TMEM232: variants seen among roughly 807,000 people sequenced by gnomAD.
TMEM232 encodes the protein transmembrane protein 232.
Under a neutral mutation model 78.8 loss-of-function variants are expected in TMEM232, and 80 were observed. That is an observed-to-expected ratio of 1.01 (90% confidence interval 0.85 to 1.22). The LOEUF is 1.22. TMEM232 is among the 50% of genes most tolerant of loss of function. TMEM232 has a pLI of 0.00. For synonymous variants in TMEM232, 297 were observed against 254.3 expected (o/e 1.17, Z -1.60); for missense variants, 881 against 742.2 (o/e 1.19, Z -2.17).
chr5:110,738,218 C>A, upstream of TMEM232: 1 of 1,286,848 alleles, frequency 7.8e-7, no homozygotes, highest in Non-Finnish European at 1.0e-6. Flanking sequence ...GGGAGCCTGG[C>A]CCAAGAGCCC....
chr5:110,656,627 C>T (rs1013886671), intron 2 of TMEM232, among the ~76,000 whole-genome samples: 6 of 152,100 alleles, frequency 3.9e-5, no homozygotes, highest in Non-Finnish European at 7.4e-5. Flanking sequence ...ATCACGAGGT[C>T]AGGAGATCGA....
intron 12 of TMEM232, among the ~76,000 whole-genome samples, chr5:110,486,950 G>A (rs1367275993): frequency 6.6e-6 from 1 of 151,980 alleles, no homozygotes; most frequent in African/African-American, 2.4e-5. Flanking sequence ...AATGAGCACG[G>A]GATGTGTTTC....
At chr5:110,463,248 A>G (rs1761727795) in intron 12 of TMEM232, among the ~76,000 whole-genome samples, 1 of 152,220 alleles carries the variant, frequency 6.6e-6, no homozygotes, top group African/African-American at 2.4e-5. Flanking sequence ...GCACTCCACC[A>G]GCAAAAAGAA....
intron 1 of TMEM232, among the ~76,000 whole-genome samples, chr5:110,710,177 C>T (rs1480762933): frequency 6.6e-6 from 1 of 152,026 alleles, no homozygotes; most frequent in Non-Finnish European, 1.5e-5. Context: ...AAGTAAATTG[C>T]TAAACACATA....
chr5:110,724,700 T>A (rs1797984890), intron 1 of TMEM232, among the ~76,000 whole-genome samples: 1 of 151,850 alleles, frequency 6.6e-6, no homozygotes, highest in Non-Finnish European at 1.5e-5. Context: ...AAAAGATAAA[T>A]CAACTATTTT....
Position 110,495,211 on chromosome 5 carries a change from AG to A in TMEM232, c.1703+33376del, listed in dbSNP as rs201758919. Among the ~76,000 whole-genome samples, 1,476 of 151,898 alleles carry A rather than the reference AG, an allele frequency of 9.7e-3. 30 individuals carry two copies. Among genetic ancestry groups the A allele is most frequent in the African/African-American group, 0.033 (1,379 of 41,516 alleles). Reference sequence around the variant, plus strand: ...ATAAAAGGAGAGATCTGTGGTTTAAAGTAGCTCCGCCTTATCTATATATGTT... The same window carrying A: ...ATAAAAGGAGAGATCTGTGGTTTAAATAGCTCCGCCTTATCTATATATGTT... On this transcript the variant is annotated intron_variant, in intron 12 of 13. Transcript: ENST00000455884.
intron 11 of TMEM232, among the ~76,000 whole-genome samples, chr5:110,549,034 G>T (rs962043345): frequency 6.6e-6 from 1 of 151,870 alleles, no homozygotes; most frequent in Non-Finnish European, 1.5e-5. Flanking sequence ...TTTAAATAGA[G>T]ATAACAGAAA....
At chr5:110,400,890 T>C (rs951235930) in intron 2 of TMEM232, among the ~76,000 whole-genome samples, 1 of 152,110 alleles carries the variant, frequency 6.6e-6, no homozygotes, top group Non-Finnish European at 1.5e-5. Flanking sequence ...CTAGGTAAAA[T>C]TGTTTTTTTC....
At chr5:110,513,004 A>G (rs1561599453) in intron 12 of TMEM232, among the ~76,000 whole-genome samples, 1 of 152,208 alleles carries the variant, frequency 6.6e-6, no homozygotes, top group South Asian at 2.1e-4. Context: ...ATATAAGCAT[A>G]AAGCTATGGC....
chr5:110,588,584 G>A (rs755453887), intron 10 of TMEM232, among the ~76,000 whole-genome samples: 11 of 152,108 alleles, frequency 7.2e-5, no homozygotes, highest in Non-Finnish European at 1.5e-4. Context: ...TTCACATACT[G>A]GAAGGACTAG....
chr5:110,595,138 G>A (rs1468291798), intron 10 of TMEM232, among the ~76,000 whole-genome samples: 4 of 152,188 alleles, frequency 2.6e-5, no homozygotes, highest in Non-Finnish European at 4.4e-5. Context: ...TACAGGGTCT[G>A]GAGTGGACCT....
intron 10 of TMEM232, among the ~76,000 whole-genome samples, chr5:110,574,837 C>A (rs73222682): frequency 0.041 from 6,294 of 152,072 alleles, 424 homozygotes; most frequent in African/African-American, 0.14. Context: ...AATTTATATC[C>A]TTTCACATAT....
At chr5:110,647,490 AT>A (rs1787657103) in intron 2 of TMEM232, among the ~76,000 whole-genome samples, 1 of 151,938 alleles carries the variant, frequency 6.6e-6, no homozygotes. Context: ...GTATGTTATT[AT>A]TGCTTATTTT....
chr5:110,731,823 C>CTTGGGG (rs1798706309), intron 2 of TMEM232, among the ~76,000 whole-genome samples: 1 of 152,262 alleles, frequency 6.6e-6, no homozygotes, highest in Non-Finnish European at 1.5e-5. Flanking sequence ...TGGGGATTAA[C>CTTGGGG]ATTAGGCTCC....
At chr5:110,685,714 C>T (rs182778727) in intron 1 of TMEM232, among the ~76,000 whole-genome samples, 67 of 152,178 alleles carry the variant, frequency 4.4e-4, no homozygotes, top group African/African-American at 1.5e-3. Flanking sequence ...TACTGTTATT[C>T]GCAATAGTCC....
At chr5:110,652,862 A>G (rs2150066564) in intron 2 of TMEM232, among the ~76,000 whole-genome samples, 1 of 152,340 alleles carries the variant, frequency 6.6e-6, no homozygotes, top group East Asian at 1.9e-4. Flanking sequence ...TCTAGTCTAA[A>G]TATGTAAGAG....
chr5:110,467,051 G>GAAAT (rs900077207), intron 12 of TMEM232, among the ~76,000 whole-genome samples: 2 of 151,940 alleles, frequency 1.3e-5, no homozygotes, highest in African/African-American at 4.8e-5. Context: ...AATATTTTAT[G>GAAAT]AAATATATAT....
chr5:110,466,300 C>T (rs563300340), intron 12 of TMEM232, among the ~76,000 whole-genome samples: 63 of 152,210 alleles, frequency 4.1e-4, no homozygotes, highest in Non-Finnish European at 8.4e-4. Flanking sequence ...TAATGAATTA[C>T]AAAGAGAACT....
At chr5:110,726,146 C>A (rs966773169) in intron 1 of TMEM232, among the ~76,000 whole-genome samples, 1 of 127,590 alleles carries the variant, frequency 7.8e-6, no homozygotes, top group African/African-American at 3.3e-5. Flanking sequence ...ACACAGAGCG[C>A]CAAATTTTTG....
Sources: gnomAD v4.1 joint callset for allele counts (sites outside exome capture counted in the v4.1 genomes callset) on GRCh38, gnomAD v4.1.1 for gene constraint, MANE v1.5 for transcripts, NCBI Gene and HGNC (gene_info 2026-07-23, HGNC 2026-07-21) for gene names.